Variants in ST3GAL2 observed in about 807,000 individuals in gnomAD.
ST3GAL2 encodes the protein CMP-N-acetylneuraminate-beta-galactosamide-alpha-2,3-sialyltransferase 2.
A neutral mutation model predicts 37.5 loss-of-function variants in ST3GAL2; 16 were observed. That is an observed-to-expected ratio of 0.43 (90% confidence interval 0.29 to 0.65). The LOEUF is 0.65. ST3GAL2 is among the 30% of genes least tolerant of loss of function. The probability of loss-of-function intolerance (pLI) is 0.17; values close to 1 mark genes in which losing one functional copy is unlikely to be tolerated. For missense variants in ST3GAL2, 383 were observed against 487.8 expected (o/e 0.79, Z 2.02); for synonymous variants, 238 against 202.9 (o/e 1.17, Z -1.47).
At chr16:70,383,593 A>G in intron 4 of ST3GAL2, among the ~76,000 whole-genome samples, 1 of 144,986 alleles carries the variant, frequency 6.9e-6, no homozygotes, top group African/African-American at 2.5e-5. Flanking sequence ...AGGGGTGGGG[A>G]GGGGAAGGGA....
chr16:70,386,353 A>G (rs2047443613), intron 4 of ST3GAL2, among the ~76,000 whole-genome samples: 1 of 151,894 alleles, frequency 6.6e-6, no homozygotes, highest in South Asian at 2.1e-4. Context: ...ACGGCCGGCT[A>G]ATTTTTTTTT....
chr16:70,436,297 G>A (rs1421039858), intron 1 of ST3GAL2, among the ~76,000 whole-genome samples: 14 of 151,784 alleles, frequency 9.2e-5, no homozygotes, highest in Non-Finnish European at 1.0e-4. Flanking sequence ...GTGTCGTGGC[G>A]TATGCCTGTA....
chr16:70,408,287 G>A (rs2047607668), intron 1 of ST3GAL2, among the ~76,000 whole-genome samples: 1 of 152,004 alleles, frequency 6.6e-6, no homozygotes, highest in Non-Finnish European at 1.5e-5. Flanking sequence ...CACTAACTGG[G>A]GTACAACCAT....
chr16:70,416,027 C>T (rs983379511), intron 1 of ST3GAL2, among the ~76,000 whole-genome samples: 10 of 151,966 alleles, frequency 6.6e-5, no homozygotes, highest in Admixed American at 2.0e-4. Context: ...CCACCCACCT[C>T]GGCCTCCCAA....
intron 1 of ST3GAL2, among the ~76,000 whole-genome samples, chr16:70,435,459 G>A (rs1208757330): frequency 6.6e-6 from 1 of 152,040 alleles, no homozygotes; most frequent in Non-Finnish European, 1.5e-5. Flanking sequence ...TTAGATGGGC[G>A]TGGTGGCGCA....
chr16:70,395,017 A>G lies in ST3GAL2; in HGVS notation c.498T>C (p.Tyr166=), dbSNP rs765613336. 15 of 1,613,790 alleles carry G rather than the reference A, an allele frequency of 9.3e-6. No individual in the cohort carries two copies. Among genetic ancestry groups the G allele is most frequent in the Middle Eastern group, 3.3e-4 (2 of 6,076 alleles). ...AGTTGTGCCCGTCCACGTCCTGCCC[A>G]TAGCCAGAGCCCCGCAGGTTGCCCG... is the stretch of plus-strand genomic sequence containing the variant. ...GNSGNLRGSG[Y]GQDVDGHNFI... is the part of the protein sequence containing the mutation. The change falls in exon 3 of 7, where the codon TAT becomes TAC. Residue 166 remains tyrosine (Y), a synonymous_variant. Transcript: ENST00000342907.
intron 3 of ST3GAL2, among the ~76,000 whole-genome samples, chr16:70,394,641 G>A (rs1055024124): frequency 6.6e-6 from 1 of 152,186 alleles, no homozygotes; most frequent in Non-Finnish European, 1.5e-5. Context: ...GCCTCTCAAA[G>A]CGCTGGAATT....
intron 1 of ST3GAL2, among the ~76,000 whole-genome samples, chr16:70,411,511 G>A (rs1263387574): frequency 6.6e-6 from 1 of 151,994 alleles, no homozygotes; most frequent in South Asian, 2.1e-4. Context: ...GCCATCTCAC[G>A]ACCATGAGAG....
chr16:70,383,555 AAAAGGAAAGG>A (rs200535533), intron 4 of ST3GAL2, among the ~76,000 whole-genome samples: 35 of 146,744 alleles, frequency 2.4e-4, no homozygotes, highest in African/African-American at 3.8e-4. Flanking sequence ...GTCAAAAAAA[AAAAGGAAAGG>A]AAAGGAAAGG....
chr16:70,382,869 T>C lies in ST3GAL2; in HGVS notation c.815A>G (p.His272Arg). Residue 272 changes from histidine (H) to arginine (R), a missense_variant, in exon 6 of 7, where the codon CAT becomes CGT. His to Arg is a conservative substitution (Grantham distance 29, BLOSUM62 0). Transcript: ENST00000342907. ...FKYIHDRWTE[H>R]HGRYPSTGML... ...CCCCGTGGAAGGGTACCGCCCGTGATGCTCTGTCCACCTGTCGTGGATATA... is the reference window on the plus strand; with the variant it reads ...CCCCGTGGAAGGGTACCGCCCGTGACGCTCTGTCCACCTGTCGTGGATATA... 6.2e-7 allele frequency: 1 copy of C among 1,614,174 alleles called. No homozygotes were observed. Among genetic ancestry groups the C allele is most frequent in the Non-Finnish European group, 8.5e-7 (1 of 1,180,014 alleles).
At chr16:70,426,957 C>CCCA (rs1184105060) in intron 1 of ST3GAL2, among the ~76,000 whole-genome samples, 7 of 152,066 alleles carry the variant, frequency 4.6e-5, no homozygotes, top group African/African-American at 1.7e-4. Context: ...CAGCAATCCT[C>CCCA]CCACCTCAGC....
intron 4 of ST3GAL2, among the ~76,000 whole-genome samples, chr16:70,386,719 C>T (rs1050678334): frequency 1.1e-4 from 17 of 152,136 alleles, no homozygotes; most frequent in Non-Finnish European, 2.1e-4. Context: ...GGTCTTGGCT[C>T]ACTGCAACCT....
chr16:70,406,944 G>A (rs536646904), intron 1 of ST3GAL2, among the ~76,000 whole-genome samples: 2 of 152,192 alleles, frequency 1.3e-5, no homozygotes, highest in African/African-American at 4.8e-5. Flanking sequence ...GGAGCAGCAC[G>A]AGATGATGGC....
chr16:70,437,672 A>G (rs2151683664), intron 1 of ST3GAL2, among the ~76,000 whole-genome samples: 1 of 152,340 alleles, frequency 6.6e-6, no homozygotes, highest in Non-Finnish European at 1.5e-5. Flanking sequence ...AGATCAGGGC[A>G]GCCAGCAGGC....
At chr16:70,433,206 A>G (rs1272261691) in intron 1 of ST3GAL2, among the ~76,000 whole-genome samples, 4 of 152,144 alleles carry the variant, frequency 2.6e-5, no homozygotes, top group Non-Finnish European at 5.9e-5. Flanking sequence ...CAAGCTCTCT[A>G]GACTCCGTCC....
intron 1 of ST3GAL2, among the ~76,000 whole-genome samples, chr16:70,419,145 C>T (rs955441363): frequency 6.6e-6 from 1 of 152,200 alleles, no homozygotes; most frequent in Admixed American, 6.5e-5. Flanking sequence ...AGGCTGGCCA[C>T]CCTGGAAAAG....
intron 2 of ST3GAL2, among the ~76,000 whole-genome samples, 164 bp downstream of exon 2, chr16:70,398,028 C>G (rs559960596): frequency 2.0e-5 from 3 of 152,320 alleles, no homozygotes; most frequent in South Asian, 4.1e-4. Flanking sequence ...TAGCCCCCTC[C>G]ATCAGGTCAG....
chr16:70,386,956 T>C (rs1445806763), intron 4 of ST3GAL2, among the ~76,000 whole-genome samples: 1 of 152,224 alleles, frequency 6.6e-6, no homozygotes, highest in Non-Finnish European at 1.5e-5. Flanking sequence ...GAAAATGTTT[T>C]AAAATTAATT....
chr16:70,396,624 C>A (rs1041010827), intron 2 of ST3GAL2, among the ~76,000 whole-genome samples: 4 of 152,218 alleles, frequency 2.6e-5, no homozygotes, highest in Non-Finnish European at 5.9e-5. Flanking sequence ...GCCCACGGGG[C>A]TCCTAGTGGC....
Sources: allele counts gnomAD v4.1 joint callset (sites outside exome capture counted in the v4.1 genomes callset), GRCh38; gene constraint gnomAD v4.1.1; transcripts MANE v1.5; gene names NCBI Gene and HGNC (gene_info 2026-07-23, HGNC 2026-07-21).